GGA2: variants seen among roughly 807,000 people sequenced by gnomAD.
GGA2 encodes ADP-ribosylation factor-binding protein GGA2.
In GGA2, 48 loss-of-function variants were observed where a neutral mutation model predicts 79.5. The observed-to-expected ratio is 0.60, with a 90% CI of 0.48 to 0.77. The LOEUF is 0.77. Among genes scored for constraint, GGA2 ranks in the 30% least tolerant of loss-of-function variants. The pLI, the probability that GGA2 is intolerant of heterozygous loss-of-function variation, is 0.00. For missense variants in GGA2, 770 were observed against 774.0 expected (o/e 0.99, Z 0.06); for synonymous variants, 317 against 302.0 (o/e 1.05, Z -0.51).
At chr16:23,469,237 C>T (rs1328431182) in intron 15 of GGA2, 3 of 400,098 alleles carry the variant, frequency 7.5e-6, no homozygotes, top group East Asian at 3.7e-5. Context: ...GGTCAATAAC[C>T]GGCATCTGAG....
intron 5 of GGA2, among the ~76,000 whole-genome samples, chr16:23,490,422 A>G (rs1211961638): frequency 2.0e-5 from 3 of 152,234 alleles, no homozygotes; most frequent in Non-Finnish European, 2.9e-5. Context: ...ATAAATGTGT[A>G]TAAGTATGTG....
At chr16:23,485,792 G>GAGTTGTCA (rs1964703961) in intron 8 of GGA2, among the ~76,000 whole-genome samples, 1 of 152,202 alleles carries the variant, frequency 6.6e-6, no homozygotes, top group Non-Finnish European at 1.5e-5. Context: ...AAGAGTCTGG[G>GAGTTGTCA]AGTTGTCAGC....
At chr16:23,497,736 T>C (rs970414090) in intron 1 of GGA2, among the ~76,000 whole-genome samples, 6 of 152,224 alleles carry the variant, frequency 3.9e-5, no homozygotes, top group Non-Finnish European at 8.8e-5. Flanking sequence ...CCTCCTCCTC[T>C]GAACAGATAT....
intron 13 of GGA2, among the ~76,000 whole-genome samples, chr16:23,477,099 G>T (rs1964585023): frequency 6.6e-6 from 1 of 152,130 alleles, no homozygotes; most frequent in East Asian, 1.9e-4. Context: ...CTACAGTCAT[G>T]ACCTACCACG....
intron 1 of GGA2, among the ~76,000 whole-genome samples, chr16:23,503,990 A>C (rs1186538714): frequency 6.6e-6 from 1 of 152,004 alleles, no homozygotes; most frequent in Non-Finnish European, 1.5e-5. Context: ...CTAAAGCAGG[A>C]GAATTGCTTG....
chr16:23,524,251 C>T, upstream of GGA2: 1 of 812,896 alleles, frequency 1.2e-6, no homozygotes, highest in African/African-American at 1.7e-5. Flanking sequence ...GAGATTGTTT[C>T]CACTCTTAGT....
rs1301247542 is a variant in GGA2 at position 23,491,674 on chromosome 16, G to A, written c.475+3C>T. ...AAATAAGACACAGTAAGGCAAGTCA[G>A]ACCTTGTTTCTTCAGCATCTGATAA... On this transcript the variant is annotated splice_donor_region_variant and intron_variant, in intron 5 of 16. Transcript: ENST00000309859. 1 of 1,612,918 alleles carries A rather than the reference G, an allele frequency of 6.2e-7. No individual in the cohort carries two copies. The highest frequency in any genetic ancestry group is 1.7e-5 in the Admixed American group (1 of 60,006).
At chr16:23,504,021 C>A (rs1294298034) in intron 1 of GGA2, among the ~76,000 whole-genome samples, 3 of 150,506 alleles carry the variant, frequency 2.0e-5, no homozygotes, top group Non-Finnish European at 4.4e-5. Flanking sequence ...ACGGAGGTTG[C>A]GGTGAGCCAA....
intron 7 of GGA2, 128 bp from the exon 8 acceptor site, chr16:23,486,280 G>A: frequency 1.3e-6 from 1 of 782,612 alleles, no homozygotes; most frequent in Admixed American, 2.5e-5. Flanking sequence ...TAAGTGCATG[G>A]GAGAACTCAC....
At chr16:23,510,587 C>T (rs954634498), upstream of GGA2, 1 of 386,972 alleles carries the variant, frequency 2.6e-6, no homozygotes, top group Non-Finnish European at 4.6e-6. Flanking sequence ...CGGAACATTT[C>T]TTAGTCCAGA....
chr16:23,486,722 A>G lies in GGA2; in HGVS notation c.648T>C (p.Asn216=), dbSNP rs781385674. The change falls in exon 7 of 17, where the codon AAT becomes AAC. Residue 216 remains asparagine (N), a synonymous_variant. Transcript: ENST00000309859. ...DLQAANRLIK[N]LVKEEQEKSE... is the part of the protein sequence containing the mutation. ...GAAGAATGCCCACCTCCTTGACCAA[A>G]TTCTTGATTAACCGGTTTGCAGCCT... 1.1e-5 allele frequency: 17 copies of G among 1,605,106 alleles called. No homozygotes were observed. In the Admixed American group the frequency reaches 2.8e-4, roughly 27 times the overall value.
chr16:23,517,190 G>A (rs1965107853), intron 2 of GGA2, among the ~76,000 whole-genome samples: 1 of 152,086 alleles, frequency 6.6e-6, no homozygotes, highest in African/African-American at 2.4e-5. Flanking sequence ...CCTAGTAGGT[G>A]GGACTATAGG....
chr16:23,471,863 T>C (rs1964514749), intron 14 of GGA2, among the ~76,000 whole-genome samples: 1 of 152,108 alleles, frequency 6.6e-6, no homozygotes, highest in African/African-American at 2.4e-5. Flanking sequence ...GAGCTATGAC[T>C]GTGCCACCGC....
At chr16:23,511,115 C>T (rs1450716743), upstream of GGA2, among the ~76,000 whole-genome samples, 1 of 151,896 alleles carries the variant, frequency 6.6e-6, no homozygotes, top group African/African-American at 2.4e-5. Context: ...GATCCTCTTA[C>T]CTCGACTTCC....
chr16:23,483,475 G>A (rs781116311), intron 8 of GGA2, among the ~76,000 whole-genome samples: 4 of 152,144 alleles, frequency 2.6e-5, no homozygotes, highest in Non-Finnish European at 5.9e-5. Context: ...AAGAAGTTAC[G>A]TGGAGGCTGG....
chr16:23,493,317 C>A (rs371310485), intron 4 of GGA2, 43 bp downstream of exon 4: 5 of 1,140,654 alleles, frequency 4.4e-6, no homozygotes, highest in Non-Finnish European at 6.7e-6. Context: ...TGACAGTGGG[C>A]GTAGGTGCGA....
intron 1 of GGA2, chr16:23,519,734 C>T (rs1965124658): frequency 3.8e-6 from 1 of 262,662 alleles, no homozygotes; most frequent in Non-Finnish European, 7.9e-6. Flanking sequence ...TTGGTCCCAA[C>T]AGGTTTCTAG....
intron 1 of GGA2, among the ~76,000 whole-genome samples, chr16:23,502,024 C>G (rs1964927037): frequency 6.6e-6 from 1 of 152,150 alleles, no homozygotes; most frequent in African/African-American, 2.4e-5. Flanking sequence ...CCACAGTCAC[C>G]CACAGTCCCT....
At chr16:23,523,242 A>G (rs1053856571), upstream of GGA2, 6 of 152,198 alleles carry the variant, frequency 3.9e-5, no homozygotes, top group African/African-American at 1.4e-4. Context: ...CCCTGCCACC[A>G]TCCTCCTTTC....
Sources: allele counts gnomAD v4.1 joint callset (sites outside exome capture counted in the v4.1 genomes callset), GRCh38; gene constraint gnomAD v4.1.1; transcripts MANE v1.5; gene names NCBI Gene and HGNC (gene_info 2026-07-23, HGNC 2026-07-21).